RASEF: variants seen among roughly 807,000 people sequenced by gnomAD.
RASEF encodes RAS and EF-hand domain containing.
RASEF carries 68 observed loss-of-function variants against 90.1 expected under a neutral mutation model. The observed-to-expected ratio is 0.75, with a 90% CI of 0.62 to 0.92. The LOEUF (loss-of-function observed/expected upper bound fraction) is 0.92. Ranked by LOEUF, RASEF falls within the 40% of genes least tolerant of loss-of-function variation. RASEF has a pLI of 0.00. For synonymous variants in RASEF, 331 were observed against 345.2 expected (o/e 0.96, Z 0.46); for missense variants, 949 against 937.2 (o/e 1.01, Z -0.16).
Position 83,016,249 on chromosome 9 carries a change from G to T in RASEF, c.670-349C>A, listed in dbSNP as rs529406572. On this transcript the variant is annotated intron_variant, in intron 3 of 16. Transcript: ENST00000376447. ...AGTTAAAAGACATGGCACAGTGACC[G>T]GAATCCTATCATGTCATCAGGACTC... 1.3e-3 allele frequency among the ~76,000 whole-genome samples: 192 copies of T among 152,264 alleles called. 1 individual carries two copies. The highest frequency in any genetic ancestry group is 2.1e-3 in the Non-Finnish European group (141 of 68,024).
the RASEF span, among the ~76,000 whole-genome samples, chr9:83,122,123 T>C: frequency 3.9e-5 from 6 of 152,178 alleles, no homozygotes; most frequent in East Asian, 9.6e-4. Flanking sequence ...GTGAGGTGCC[T>C]TGTGGCTCCT....
chr9:83,086,188 A>T, the RASEF span, among the ~76,000 whole-genome samples: 1 of 152,210 alleles, frequency 6.6e-6, no homozygotes, highest in African/African-American at 2.4e-5. Flanking sequence ...TAATATCTTA[A>T]AATCAGAGAC....
chr9:83,209,564 G>C, the RASEF span, among the ~76,000 whole-genome samples: 2 of 152,376 alleles, frequency 1.3e-5, no homozygotes, highest in African/African-American at 4.8e-5. Flanking sequence ...AGTCACAGTT[G>C]CTGCAAGTCA....
intron 1 of RASEF, among the ~76,000 whole-genome samples, chr9:83,038,077 A>T (rs1053808734): frequency 3.3e-5 from 5 of 152,106 alleles, no homozygotes; most frequent in Non-Finnish European, 7.4e-5. Flanking sequence ...GATGGAATTG[A>T]GAAGTCCTAT....
At chr9:83,144,383 G>GGAAAA in the RASEF span, among the ~76,000 whole-genome samples, 1 of 20,254 alleles carries the variant, frequency 4.9e-5, no homozygotes. Flanking sequence ...AAGAAAGAAA[G>GGAAAA]AAAGAAAGGA....
At chr9:83,212,091 C>A in the RASEF span, among the ~76,000 whole-genome samples, 1 of 151,978 alleles carries the variant, frequency 6.6e-6, no homozygotes, top group Non-Finnish European at 1.5e-5. Context: ...TATATAAAAT[C>A]AGGGTCCAGT....
intron 3 of RASEF, among the ~76,000 whole-genome samples, chr9:83,021,341 T>C (rs1482031331): frequency 6.6e-6 from 1 of 152,182 alleles, no homozygotes; most frequent in African/African-American, 2.4e-5. Context: ...GATGCCAATG[T>C]TCAGGCCACT....
chr9:83,098,622 A>G, the RASEF span, among the ~76,000 whole-genome samples: 1 of 152,204 alleles, frequency 6.6e-6, no homozygotes, highest in Admixed American at 6.5e-5. Flanking sequence ...AAGACTGAGT[A>G]ATTTAAAAAA....
At chr9:83,119,166 C>CG in the RASEF span, among the ~76,000 whole-genome samples, 1 of 132,108 alleles carries the variant, frequency 7.6e-6, no homozygotes, top group African/African-American at 3.1e-5. Flanking sequence ...TGCCACCATG[C>CG]GGGCTATTTT....
the RASEF span, among the ~76,000 whole-genome samples, chr9:83,093,734 C>A: frequency 6.6e-5 from 10 of 152,228 alleles, no homozygotes; most frequent in African/African-American, 2.4e-4. Context: ...TGGCCTTGGC[C>A]AGCCCAGAAA....
At chr9:83,175,869 A>C in the RASEF span, among the ~76,000 whole-genome samples, 1 of 152,252 alleles carries the variant, frequency 6.6e-6, no homozygotes, top group Admixed American at 6.5e-5. Flanking sequence ...GTGAGCCACC[A>C]CACCCGGCCT....
chr9:83,137,402 A>C, the RASEF span, among the ~76,000 whole-genome samples: 1 of 152,180 alleles, frequency 6.6e-6, no homozygotes, highest in African/African-American at 2.4e-5. Flanking sequence ...CAACTGGTTA[A>C]TTTGGAGAAG....
chr9:83,019,058 G>A (rs1489757856), intron 3 of RASEF, among the ~76,000 whole-genome samples: 1 of 151,900 alleles, frequency 6.6e-6, no homozygotes, highest in Admixed American at 6.6e-5. Flanking sequence ...GAAAACACAG[G>A]GGAAAATCTT....
At chr9:82,999,663 G>A (rs1212266905) in intron 12 of RASEF, among the ~76,000 whole-genome samples, 1 of 151,644 alleles carries the variant, frequency 6.6e-6, no homozygotes, top group African/African-American at 2.4e-5. Context: ...AAGTGCAGTG[G>A]TGTGATCTCG....
Position 82,993,696 on chromosome 9 carries a change from C to T in RASEF, c.1921-671G>A, listed in dbSNP as rs187783347. On this transcript the variant is annotated intron_variant, in intron 14 of 16. Coordinates refer to ENST00000376447, the MANE Select transcript of RASEF (RefSeq NM_152573.4). ...TACCAATCTTTCAAAGTAATGGATT[C>T]TAAGATAAGCCTCCCATGTCAGCCT... 9.3e-4 allele frequency among the ~76,000 whole-genome samples: 142 copies of T among 152,296 alleles called. 1 individual carries two copies. The highest frequency in any genetic ancestry group is 3.4e-3 in the Middle Eastern group (1 of 294).
chr9:83,004,027 A>G (rs1829084911), intron 9 of RASEF, among the ~76,000 whole-genome samples: 1 of 152,176 alleles, frequency 6.6e-6, no homozygotes, highest in Non-Finnish European at 1.5e-5. Flanking sequence ...CCTTCAATAC[A>G]GTAGCTATTT....
chr9:83,184,440 G>A, the RASEF span, among the ~76,000 whole-genome samples: 3 of 152,114 alleles, frequency 2.0e-5, no homozygotes, highest in African/African-American at 7.2e-5. Flanking sequence ...TGTGGAGGGC[G>A]TGCTGCTCTG....
chr9:83,153,633 A>G, the RASEF span, among the ~76,000 whole-genome samples: 1 of 152,200 alleles, frequency 6.6e-6, no homozygotes, highest in Non-Finnish European at 1.5e-5. Flanking sequence ...TCAAAGACTT[A>G]CAAATGCCAC....
At chr9:83,112,328 T>C in the RASEF span, among the ~76,000 whole-genome samples, 2 of 152,194 alleles carry the variant, frequency 1.3e-5, no homozygotes, top group South Asian at 2.1e-4. Context: ...AAAGTAAACA[T>C]TTAGAAACCA....
Sources: gnomAD v4.1 joint callset for allele counts (sites outside exome capture counted in the v4.1 genomes callset) on GRCh38, gnomAD v4.1.1 for gene constraint, MANE v1.5 for transcripts, NCBI Gene and HGNC (gene_info 2026-07-23, HGNC 2026-07-21) for gene names.